Variants in ZNF679 observed in about 807,000 individuals in gnomAD.
ZNF679 encodes hypothetical protein MGC42415.
A neutral mutation model predicts 13.4 loss-of-function variants in ZNF679; 10 were observed. The observed-to-expected ratio is 0.75, with a 90% CI of 0.46 to 1.27. ZNF679 has a LOEUF of 1.27. Ranked by LOEUF, ZNF679 falls within the 50% of genes most tolerant of loss-of-function variation. The pLI, the probability that ZNF679 is intolerant of heterozygous loss-of-function variation, is 0.00. For synonymous variants in ZNF679, 179 were observed against 162.5 expected (o/e 1.10, Z -0.77); for missense variants, 525 against 477.8 (o/e 1.10, Z -0.92).
chr7:64,265,886 T>C lies in ZNF679; in HGVS notation c.263-10T>C. 1 of 1,608,204 alleles carries C rather than the reference T, an allele frequency of 6.2e-7. No homozygotes were observed. Among genetic ancestry groups the C allele is most frequent in the South Asian group, 1.1e-5 (1 of 90,346 alleles). Reference sequence around the variant, plus strand: ...TAAGTGAAGTAACTTGTGATTTTTATGTCTTTCAGTTATGTGTTCTCATTT... The same window carrying C: ...TAAGTGAAGTAACTTGTGATTTTTACGTCTTTCAGTTATGTGTTCTCATTT... On this transcript the variant is annotated splice_polypyrimidine_tract_variant and intron_variant, in intron 4 of 4. Coordinates refer to ENST00000421025, the MANE Select transcript of ZNF679 (RefSeq NM_153363.3).
intron 1 of ZNF679, among the ~76,000 whole-genome samples, chr7:64,234,240 C>A (rs1396117460): frequency 6.6e-6 from 1 of 152,154 alleles, no homozygotes; most frequent in Non-Finnish European, 1.5e-5. Context: ...CTTAGAAGAT[C>A]AAAGAAATAC....
intron 1 of ZNF679, among the ~76,000 whole-genome samples, chr7:64,246,697 T>G (rs1395237618): frequency 1.3e-5 from 2 of 150,696 alleles, no homozygotes; most frequent in African/African-American, 4.9e-5. Flanking sequence ...CACTCCAGCC[T>G]GGGTGACTGA....
At chr7:64,230,237 A>G (rs933171173) in intron 1 of ZNF679, among the ~76,000 whole-genome samples, 1 of 152,260 alleles carries the variant, frequency 6.6e-6, no homozygotes. Context: ...ATTTCCCCTA[A>G]GAAAAGGGCC....
intron 2 of ZNF679, among the ~76,000 whole-genome samples, chr7:64,254,859 G>A (rs550138759): frequency 1.3e-5 from 2 of 152,112 alleles, no homozygotes; most frequent in East Asian, 3.9e-4. Context: ...AATTAGCTGA[G>A]CGTGGTGACA....
Position 64,266,733 on chromosome 7 carries a change from TTAATACTCA to T in ZNF679, c.1104_1112del (p.Asn368_His370del). On this transcript the variant is annotated inframe_deletion, in exon 5 of 5. Coordinates refer to ENST00000421025, the MANE Select transcript of ZNF679 (RefSeq NM_153363.3). ...AAAGCCTTTGCCTTCTCCTCAACTC[TTAATACTCA>T]TAAGAGGATTCATACTGGAGAGGAA... 1 of 1,611,878 alleles carries T rather than the reference TTAATACTCA, an allele frequency of 6.2e-7. No individual in the cohort carries two copies. Among genetic ancestry groups the T allele is most frequent in the Non-Finnish European group, 8.5e-7 (1 of 1,178,934 alleles).
intron 1 of ZNF679, among the ~76,000 whole-genome samples, chr7:64,237,932 G>A (rs1294133886): frequency 6.6e-6 from 1 of 152,132 alleles, no homozygotes; most frequent in Non-Finnish European, 1.5e-5. Flanking sequence ...AGATGGGGTG[G>A]ATGGTGAGTC....
In ZNF679 at chr7:64,249,109, C is replaced by A. The variant is rs117470203; in HGVS notation, c.-9C>A. On this transcript the variant is annotated 5_prime_UTR_variant, in exon 2 of 5. Transcript: ENST00000421025. Reference sequence around the variant, plus strand: ...TGTGGCCTTGTGTTCTGCAGGTATCCGCAGATTTATGGCTAAAAGACCGGG... The same window carrying A: ...TGTGGCCTTGTGTTCTGCAGGTATCAGCAGATTTATGGCTAAAAGACCGGG... 8.5e-3 allele frequency: 13,641 copies of A among 1,614,028 alleles called. 77 individuals are homozygous for A. Among genetic ancestry groups the A allele is most frequent in the Middle Eastern group, 0.017 (100 of 6,060 alleles).
chr7:64,249,003 G>A, intron 1 of ZNF679, 25 bp from the exon 2 acceptor site: 7 of 1,492,196 alleles, frequency 4.7e-6, no homozygotes, highest in Non-Finnish European at 6.4e-6. Context: ...AATTTTCCGG[G>A]TCCTTTGTGT....
chr7:64,262,794 A>C (rs1788095163), intron 4 of ZNF679, among the ~76,000 whole-genome samples: 1 of 152,218 alleles, frequency 6.6e-6, no homozygotes, highest in African/African-American at 2.4e-5. Context: ...GTTCAAAATA[A>C]AGTTTAAAAT....
At chr7:64,250,203 C>G (rs954734256) in intron 2 of ZNF679, among the ~76,000 whole-genome samples, 1 of 150,734 alleles carries the variant, frequency 6.6e-6, no homozygotes, top group Non-Finnish European at 1.5e-5. Flanking sequence ...ATCAATCCAC[C>G]TTAGTCTAAT....
At chr7:64,262,169 C>A (rs1374617650) in intron 4 of ZNF679, among the ~76,000 whole-genome samples, 2 of 152,220 alleles carry the variant, frequency 1.3e-5, no homozygotes, top group South Asian at 2.1e-4. Context: ...TTGACCATTT[C>A]TAAATCAAGT....
intron 1 of ZNF679, among the ~76,000 whole-genome samples, chr7:64,234,595 C>T (rs1412262427): frequency 6.6e-6 from 1 of 152,140 alleles, no homozygotes; most frequent in Non-Finnish European, 1.5e-5. Context: ...CCCAGCACCT[C>T]TAGATGAGAG....
chr7:64,261,081 A>C (rs1285987568), intron 4 of ZNF679, among the ~76,000 whole-genome samples, 152 bp downstream of exon 4: 1 of 152,136 alleles, frequency 6.6e-6, no homozygotes, highest in Non-Finnish European at 1.5e-5. Flanking sequence ...GCTCTCAGAT[A>C]GGGATACCTT....
At chr7:64,264,523 G>A (rs1448328424) in intron 4 of ZNF679, among the ~76,000 whole-genome samples, 3 of 151,888 alleles carry the variant, frequency 2.0e-5, no homozygotes, top group African/African-American at 7.3e-5. Context: ...TTAAGCGGCA[G>A]GACCTCTTTT....
chr7:64,238,920 A>T lies in ZNF679; in HGVS notation c.-90-10108A>T, dbSNP rs6460128. Among the ~76,000 whole-genome samples the T allele has an allele frequency of 8.4e-3, 1,280 of 152,166 alleles. 20 individuals carry two copies. Among genetic ancestry groups the T allele is most frequent in the African/African-American group, 0.029 (1,197 of 41,514 alleles). ...CACGTAGGCCCAGTCAAAGAGAGAG[A>T]TTTAGACTCTCATAGATAGGCCTAG... On this transcript the variant is annotated intron_variant, in intron 1 of 4. Coordinates refer to ENST00000421025, the MANE Select transcript of ZNF679 (RefSeq NM_153363.3).
chr7:64,257,541 A>G (rs1289586058), intron 2 of ZNF679, among the ~76,000 whole-genome samples: 2 of 152,200 alleles, frequency 1.3e-5, no homozygotes, highest in African/African-American at 4.8e-5. Flanking sequence ...GAGTATGAAA[A>G]TTAAATCACA....
In ZNF679 at chr7:64,265,963, A is replaced by G; in HGVS notation, c.330A>G (p.Val110=). The stretch of plus-strand genomic sequence containing the variant: ...GCATAAAAGATTCACTCCAAAAAGT[A>G]ATACCAAGAAGATATGGAAAAAGTG... The part of the protein sequence containing the change: ...ELGIKDSLQK[V]IPRRYGKSGH... The change falls in exon 5 of 5, where the codon GTA becomes GTG. Residue 110 remains valine (V), a synonymous_variant. Transcript: ENST00000421025. The G allele has an allele frequency of 6.2e-7, 1 of 1,613,898 alleles. No homozygotes were observed. Among genetic ancestry groups the G allele is most frequent in the African/African-American group, 1.3e-5 (1 of 75,054 alleles).
At chr7:64,239,509 C>T (rs1385886629) in intron 1 of ZNF679, among the ~76,000 whole-genome samples, 1 of 152,198 alleles carries the variant, frequency 6.6e-6, no homozygotes, top group African/African-American at 2.4e-5. Flanking sequence ...CTGGTCTCAA[C>T]ACACAGATAT....
rs773229104 is a variant in ZNF679, at chr7:64,266,227, A to G, written c.594A>G (p.Gln198=). The change falls in exon 5 of 5, where the codon CAA becomes CAG. Residue 198 remains glutamine (Q), a synonymous_variant. Coordinates refer to ENST00000421025, the MANE Select transcript of ZNF679 (RefSeq NM_153363.3). ...GCAAATCATTTTGCATGGTTTCACA[A>G]CTACATCAACATCAGATAATTCATA... ...KYGKSFCMVS[Q]LHQHQIIHTR... 2 of 1,579,784 alleles carry G rather than the reference A, an allele frequency of 1.3e-6. No homozygotes were observed. Among genetic ancestry groups the G allele is most frequent in the South Asian group, 2.3e-5 (2 of 88,172 alleles).
Sources: gnomAD v4.1 joint callset for allele counts (sites outside exome capture counted in the v4.1 genomes callset) on GRCh38, gnomAD v4.1.1 for gene constraint, MANE v1.5 for transcripts, NCBI Gene and HGNC (gene_info 2026-07-23, HGNC 2026-07-21) for gene names.